The following PGAP4 variants were observed in gnomAD, a reference collection of about 807,000 sequenced individuals.
PGAP4 encodes the protein post-GPI attachment to proteins GalNAc transferase 4.
In PGAP4, 12 loss-of-function variants were observed where a neutral mutation model predicts 28.2. The ratio of observed to expected loss-of-function variants is 0.42; its 90% confidence interval spans 0.27 to 0.69. The LOEUF (loss-of-function observed/expected upper bound fraction) is 0.69. Among genes scored for constraint, PGAP4 ranks in the 30% least tolerant of loss-of-function variants. The pLI, the probability that PGAP4 is intolerant of heterozygous loss-of-function variation, is 0.22. For missense variants in PGAP4, 425 were observed against 513.5 expected, an observed-to-expected ratio of 0.83 and a Z score of 1.67; for synonymous variants, 205 against 211.8, an observed-to-expected ratio of 0.97 and a Z score of 0.28.
chr9:101,526,268 C>A (rs528903344), intron 2 of PGAP4, among the ~76,000 whole-genome samples: 1 of 152,144 alleles, frequency 6.6e-6, no homozygotes, highest in South Asian at 2.1e-4. Context: ...TTAATAAAAG[C>A]AAGCACAAAT....
chr9:101,483,489 T>C (rs1826542011), intron 1 of PGAP4, among the ~76,000 whole-genome samples: 1 of 152,172 alleles, frequency 6.6e-6, no homozygotes, highest in Non-Finnish European at 1.5e-5. Flanking sequence ...AGAACCCACA[T>C]TCTCAACCAA....
intron 2 of PGAP4, among the ~76,000 whole-genome samples, chr9:101,528,429 T>A (rs189891187): frequency 1.3e-5 from 2 of 152,252 alleles, no homozygotes; most frequent in East Asian, 3.9e-4. Flanking sequence ...GAAATCCAGT[T>A]TTAGTCCTCA....
chr9:101,491,015 C>T (rs1826683481), upstream of PGAP4, among the ~76,000 whole-genome samples: 1 of 152,128 alleles, frequency 6.6e-6, no homozygotes. Context: ...CATAACTGAG[C>T]CTTCAGAAGA....
chr9:101,530,037 A>G (rs1315866658), intron 2 of PGAP4, among the ~76,000 whole-genome samples: 1 of 152,268 alleles, frequency 6.6e-6, no homozygotes, highest in African/African-American at 2.4e-5. Context: ...ATACAATCCA[A>G]TCCAGATTTC....
At chr9:101,523,577 G>A (rs1207434244) in intron 2 of PGAP4, among the ~76,000 whole-genome samples, 1 of 101,324 alleles carries the variant, frequency 9.9e-6, no homozygotes, top group African/African-American at 3.9e-5. Context: ...TTTTCTTTAA[G>A]CTATCTATTT....
chr9:101,522,152 A>T (rs1038768273), intron 2 of PGAP4, among the ~76,000 whole-genome samples: 1 of 152,110 alleles, frequency 6.6e-6, no homozygotes, highest in African/African-American at 2.4e-5. Flanking sequence ...GTCTTGGAGA[A>T]AGTTCCATGC....
At chr9:101,509,573 G>A (rs1022293876) in intron 2 of PGAP4, among the ~76,000 whole-genome samples, 1 of 152,146 alleles carries the variant, frequency 6.6e-6, no homozygotes, top group Non-Finnish European at 1.5e-5. Context: ...GTATATAAGA[G>A]AAGGCCTGTG....
At chr9:101,518,275 A>T (rs531429967) in intron 2 of PGAP4, among the ~76,000 whole-genome samples, 1 of 152,102 alleles carries the variant, frequency 6.6e-6, no homozygotes, top group Non-Finnish European at 1.5e-5. Context: ...TTCTTTATCC[A>T]GTCCATCGAT....
At chr9:101,497,075 G>A (rs952787293) in intron 2 of PGAP4, among the ~76,000 whole-genome samples, 4 of 150,592 alleles carry the variant, frequency 2.7e-5, no homozygotes, top group African/African-American at 9.7e-5. Context: ...ATTTATAGAT[G>A]AGAACTATTT....
chr9:101,493,040 A>T (rs968085756), intron 2 of PGAP4, among the ~76,000 whole-genome samples: 1 of 151,806 alleles, frequency 6.6e-6, no homozygotes, highest in Admixed American at 6.6e-5. Context: ...GGATCACGAG[A>T]TCAAGAGATC....
rs186273470 is a variant in PGAP4, at chr9:101,497,360, G to T, written c.-164-8160C>A. ...CAATTTTTATGACGTGTAAACATTA[G>T]GTATTCACCTAAGTGAGAACCTTAA... On this transcript the variant is annotated intron_variant, in intron 2 of 3. Coordinates refer to the PGAP4 transcript ENST00000374851. Among the ~76,000 whole-genome samples the T allele has an allele frequency of 4.3e-3, 645 of 151,476 alleles. 2 individuals carry two copies. Among genetic ancestry groups the T allele is most frequent in the Non-Finnish European group, 6.3e-3 (425 of 67,608 alleles).
At chr9:101,497,593 G>GA (rs1826762731) in intron 2 of PGAP4, among the ~76,000 whole-genome samples, 1 of 151,408 alleles carries the variant, frequency 6.6e-6, no homozygotes. Context: ...ATCTATATAA[G>GA]AAAAAATATA....
intron 2 of PGAP4, among the ~76,000 whole-genome samples, chr9:101,497,699 T>A (rs1826763334): frequency 6.6e-6 from 1 of 151,736 alleles, no homozygotes; most frequent in Admixed American, 6.6e-5. Flanking sequence ...AACCAGCTTA[T>A]TTATTAAAGA....
At chr9:101,483,728 A>G (rs75540376) in intron 1 of PGAP4, among the ~76,000 whole-genome samples, 4,381 of 152,230 alleles carry the variant, frequency 0.029, 209 homozygotes, top group African/African-American at 0.1. Flanking sequence ...ATGATCACCA[A>G]TGAACTAAGG....
Position 101,493,634 on chromosome 9 carries a change from G to A in PGAP4, c.-164-4434C>T, listed in dbSNP as rs578262148. 2.0e-5 allele frequency among the ~76,000 whole-genome samples: 3 copies of A among 152,208 alleles called. No individual in the cohort carries two copies. In the South Asian group the frequency reaches 6.2e-4, roughly 32 times the overall value. ...AAAAGGTAGCATTAAGGGGACATAA[G>A]TTTCATTATGATATGGAATCTTATT... On this transcript the variant is annotated intron_variant, in intron 2 of 3. Coordinates refer to the PGAP4 transcript ENST00000374851.
intron 2 of PGAP4, among the ~76,000 whole-genome samples, chr9:101,492,457 T>C (rs1175089891): frequency 6.6e-6 from 1 of 151,958 alleles, no homozygotes; most frequent in Non-Finnish European, 1.5e-5. Context: ...GTAATTTTTG[T>C]CTTAAAGTCT....
At chr9:101,506,818 T>G (rs1004870717) in intron 2 of PGAP4, among the ~76,000 whole-genome samples, 1 of 152,118 alleles carries the variant, frequency 6.6e-6, no homozygotes, top group African/African-American at 2.4e-5. Flanking sequence ...AAGATTCAAT[T>G]GCTCAGAGAT....
exon 1 of PGAP4, chr9:101,533,203 C>T (rs1827123364): frequency 6.6e-6 from 1 of 152,138 alleles, no homozygotes; most frequent in African/African-American, 2.4e-5. Flanking sequence ...CAAAAAAGCA[C>T]AAGGGCAGTA....
At chr9:101,478,769 T>G (rs1032741682) in intron 1 of PGAP4, among the ~76,000 whole-genome samples, 3 of 152,168 alleles carry the variant, frequency 2.0e-5, no homozygotes, top group African/African-American at 7.2e-5. Context: ...TATCCCAGTG[T>G]TGGGACGGCA....
Sources: allele counts gnomAD v4.1 joint callset (sites outside exome capture counted in the v4.1 genomes callset), GRCh38; gene constraint gnomAD v4.1.1; transcripts MANE v1.5; gene names NCBI Gene and HGNC (gene_info 2026-07-23, HGNC 2026-07-21).